UPB1: variants seen among roughly 807,000 people sequenced by gnomAD.
UPB1 encodes beta-ureidopropionase.
A neutral mutation model predicts 49.1 loss-of-function variants in UPB1; 40 were observed. The observed-to-expected ratio is 0.81, with a 90% CI of 0.63 to 1.06. UPB1 has a LOEUF of 1.06. UPB1 is among the 50% of genes least tolerant of loss of function. The probability of loss-of-function intolerance (pLI) is 0.00; values close to 1 mark genes in which losing one functional copy is unlikely to be tolerated. For synonymous variants in UPB1, 207 were observed against 198.2 expected, an observed-to-expected ratio of 1.04 and a Z score of -0.38; for missense variants, 499 against 505.9, an observed-to-expected ratio of 0.99 and a Z score of 0.13.
chr22:24,526,235 T>TAC lies in UPB1; in HGVS notation c.*441_*442insAC. 5 of 269,882 alleles carry TAC rather than the reference T, an allele frequency of 1.9e-5. No homozygotes were observed. The highest frequency in any genetic ancestry group is 7.6e-5 in the South Asian group (2 of 26,192). 16.7% of individuals were successfully genotyped at this position (269,882 alleles called of 1,614,324 possible). On this transcript the variant is annotated 3_prime_UTR_variant, in exon 10 of 10. Transcript: ENST00000326010. ...TGGTGGGTCGGATGGTCTTTGGATG[T>TAC]GTCAGCTTAGCTAGGCCACAGTCAC...
At chr22:24,509,806 C>T (rs1032932418) in intron 3 of UPB1, among the ~76,000 whole-genome samples, 1 of 152,206 alleles carries the variant, frequency 6.6e-6, no homozygotes, top group Non-Finnish European at 1.5e-5. Flanking sequence ...TCATGTTGTG[C>T]AACCATCATC....
At chr22:24,497,769 A>G (rs1486044664) in intron 1 of UPB1, among the ~76,000 whole-genome samples, 1 of 152,194 alleles carries the variant, frequency 6.6e-6, no homozygotes, top group Non-Finnish European at 1.5e-5. Context: ...CTTTTGGGCT[A>G]CTATAACAGA....
At chr22:24,499,438 T>C (rs2146999923) in intron 1 of UPB1, among the ~76,000 whole-genome samples, 1 of 152,270 alleles carries the variant, frequency 6.6e-6, no homozygotes, top group African/African-American at 2.4e-5. Context: ...GTCACTTCAG[T>C]GGAAGGTTTT....
intron 4 of UPB1, among the ~76,000 whole-genome samples, chr22:24,511,618 A>ATATATT (rs1280628896): frequency 4.1e-5 from 5 of 122,568 alleles, no homozygotes; most frequent in Admixed American, 1.8e-4. Context: ...ATATATATAT[A>ATATATT]TTTTTTTTTT....
chr22:24,523,904 C>A, intron 9 of UPB1, 131 bp downstream of exon 9: 1 of 1,372,820 alleles, frequency 7.3e-7, no homozygotes, highest in East Asian at 2.3e-5. Context: ...TCTGTGTGAG[C>A]TGAGGGCTGA....
intron 8 of UPB1, among the ~76,000 whole-genome samples, 173 bp from the exon 9 acceptor site, chr22:24,523,446 G>C (rs1049546999): frequency 6.6e-6 from 1 of 152,226 alleles, no homozygotes; most frequent in Non-Finnish European, 1.5e-5. Context: ...GCAATTTGCT[G>C]GGCCTTCAGG....
At chr22:24,511,181 T>C (rs1401676656) in intron 4 of UPB1, among the ~76,000 whole-genome samples, 1 of 152,200 alleles carries the variant, frequency 6.6e-6, no homozygotes, top group Non-Finnish European at 1.5e-5. Context: ...CATCCAGAGC[T>C]CTGCATGCTC....
chr22:24,519,592 C>T (rs956598339), intron 6 of UPB1, among the ~76,000 whole-genome samples: 1 of 152,182 alleles, frequency 6.6e-6, no homozygotes, highest in South Asian at 2.1e-4. Context: ...CCTCCTGGGC[C>T]ACTAGCCCAC....
Position 24,500,170 on chromosome 22 carries a change from A to G in UPB1, c.168A>G (p.Gly56=), listed in dbSNP as rs1376063984. The change falls in exon 2 of 10, where the codon GGA becomes GGG. Residue 56 remains glycine, a synonymous_variant. Coordinates refer to ENST00000326010, the MANE Select transcript of UPB1 (RefSeq NM_016327.3). ...AASREDFELQ[G]YAFEAAEEQL... ...CCAGAGAAGACTTTGAACTGCAGGGATATGCCTTTGAAGCAGCGGAGGAGC... is the reference window on the plus strand; with the variant it reads ...CCAGAGAAGACTTTGAACTGCAGGGGTATGCCTTTGAAGCAGCGGAGGAGC... The G allele has an allele frequency of 6.2e-7, 1 of 1,614,182 alleles. No individual in the cohort carries two copies. The highest frequency in any genetic ancestry group is 1.7e-5 in the Admixed American group (1 of 60,014).
At chr22:24,522,273 G>A (rs1048604194) in intron 8 of UPB1, among the ~76,000 whole-genome samples, 3 of 152,172 alleles carry the variant, frequency 2.0e-5, no homozygotes, top group African/African-American at 7.2e-5. Flanking sequence ...CGGGACTGGT[G>A]TGAAGATGAA....
chr22:24,517,037 AT>A (rs1404959757), intron 6 of UPB1, among the ~76,000 whole-genome samples: 1 of 152,066 alleles, frequency 6.6e-6, no homozygotes, highest in Non-Finnish European at 1.5e-5. Context: ...TTTCAGTTGA[AT>A]TTCTTCTAAA....
chr22:24,520,555 A>C lies in UPB1; in HGVS notation c.873+87A>C. The stretch of plus-strand genomic sequence containing the variant: ...CCGTTCCCTCTGCACACATGCCACA[A>C]ATCCTAGGGTCCGGAAAGGGGTAAA... On this transcript the variant is annotated intron_variant, in intron 7 of 9. Coordinates refer to ENST00000326010, the MANE Select transcript of UPB1 (RefSeq NM_016327.3). The C allele has an allele frequency of 3.4e-6, 5 of 1,462,136 alleles. 1 individual carries two copies. The South Asian group carries it at 5.9e-5, about 17-fold the overall frequency. 90.6% of individuals were successfully genotyped at this position (1,462,136 alleles called of 1,614,324 possible).
chr22:24,513,298 C>T, intron 4 of UPB1, 26 bp from the exon 5 acceptor site: 1 of 1,614,106 alleles, frequency 6.2e-7, no homozygotes, highest in Non-Finnish European at 8.5e-7. Flanking sequence ...ATAAGTGGGA[C>T]TCTGCCATAT....
chr22:24,507,763 C>T (rs1269073741), intron 3 of UPB1, among the ~76,000 whole-genome samples: 2 of 152,118 alleles, frequency 1.3e-5, no homozygotes, highest in Non-Finnish European at 2.9e-5. Context: ...TTCTCCTTGT[C>T]ACCACCTGTG....
chr22:24,506,697 G>A (rs1005143419), intron 3 of UPB1, among the ~76,000 whole-genome samples: 11 of 152,200 alleles, frequency 7.2e-5, no homozygotes, highest in African/African-American at 2.4e-4. Context: ...AGCTCCATGA[G>A]GATAGTATCT....
intron 3 of UPB1, among the ~76,000 whole-genome samples, chr22:24,504,908 T>C (rs1020156367): frequency 6.9e-6 from 1 of 145,472 alleles, no homozygotes; most frequent in Non-Finnish European, 1.5e-5. Flanking sequence ...TCTTGAATTT[T>C]TTTTTTTTTT....
chr22:24,506,263 C>T (rs915068763), intron 3 of UPB1, among the ~76,000 whole-genome samples: 11 of 152,066 alleles, frequency 7.2e-5, no homozygotes, highest in Admixed American at 2.0e-4. Context: ...TCAGGTGATC[C>T]GCCCACCTCG....
At position 24,499,777 on chromosome 22, in the gene UPB1, G is replaced by A. The variant is rs2043956989; in HGVS notation, c.105-330G>A. Among the ~76,000 whole-genome samples the A allele has an allele frequency of 2.0e-5, 3 of 152,248 alleles. No homozygotes were observed. The South Asian group carries it at 6.2e-4, about 32-fold the overall frequency. ...TTTGAGAATCTGTTCCCTCCTTTCT[G>A]TGCTGACTGCCAGGACTTTAATTCC... On this transcript the variant is annotated intron_variant, in intron 1 of 9. Transcript: ENST00000326010.
intron 6 of UPB1, among the ~76,000 whole-genome samples, chr22:24,517,846 A>C (rs2044323762): frequency 6.6e-6 from 1 of 152,162 alleles, no homozygotes; most frequent in African/African-American, 2.4e-5. Flanking sequence ...TGCTCCTAGA[A>C]CTGTAGCCTG....
Sources: gnomAD v4.1 joint callset for allele counts (sites outside exome capture counted in the v4.1 genomes callset) on GRCh38, gnomAD v4.1.1 for gene constraint, MANE v1.5 for transcripts, NCBI Gene and HGNC (gene_info 2026-07-23, HGNC 2026-07-21) for gene names.